HTR2A: variants seen among roughly 807,000 people sequenced by gnomAD.
The protein encoded by HTR2A is 5-hydroxytryptamine receptor 2A.
In HTR2A, 14 loss-of-function variants were observed where a neutral mutation model predicts 31.0. The observed-to-expected ratio is 0.45, with a 90% CI of 0.30 to 0.71. The LOEUF is 0.71. Ranked by LOEUF, HTR2A falls within the 30% of genes least tolerant of loss-of-function variation. The probability of loss-of-function intolerance (pLI) is 0.09; values close to 1 mark genes in which losing one functional copy is unlikely to be tolerated. For missense variants in HTR2A, 442 were observed against 573.3 expected (o/e 0.77, Z 2.34); for synonymous variants, 209 against 225.2 (o/e 0.93, Z 0.64).
chr13:46,884,508 C>CA (rs1372014046), intron 3 of HTR2A, among the ~76,000 whole-genome samples: 1 of 152,018 alleles, frequency 6.6e-6, no homozygotes, highest in Non-Finnish European at 1.5e-5. Context: ...ACTAAAAATA[C>CA]AAAAAATTAG....
chr13:46,872,489 G>C (rs1372572674), intron 3 of HTR2A, among the ~76,000 whole-genome samples: 3 of 151,986 alleles, frequency 2.0e-5, no homozygotes, highest in Non-Finnish European at 4.4e-5. Flanking sequence ...TTATTCTAGA[G>C]TTGTATCAAT....
At chr13:46,854,563 C>T (rs1950716310) in intron 3 of HTR2A, among the ~76,000 whole-genome samples, 1 of 152,162 alleles carries the variant, frequency 6.6e-6, no homozygotes. Context: ...GCCAGGACTT[C>T]AAATAGTGAC....
intron 3 of HTR2A, among the ~76,000 whole-genome samples, chr13:46,883,968 A>G (rs1175193370): frequency 6.6e-6 from 1 of 152,244 alleles, no homozygotes; most frequent in Non-Finnish European, 1.5e-5. Context: ...GGAAAGCAGC[A>G]GTACATTTCA....
At position 46,835,560 on chromosome 13, in the gene HTR2A, A is replaced by G; in HGVS notation, c.693T>C (p.Asp231=). The G allele has an allele frequency of 1.2e-6, 2 of 1,614,078 alleles. No homozygotes were observed. The highest frequency in any genetic ancestry group is 2.2e-5 in the East Asian group (1 of 44,882). Residue 231 remains aspartate (D), a synonymous_variant, in exon 4 of 4, where the codon GAT becomes GAC. Coordinates refer to ENST00000542664, the MANE Select transcript of HTR2A (RefSeq NM_000621.5). The part of the protein sequence containing the change: ...VFKEGSCLLA[D]DNFVLIGSFV... Reference sequence around the variant, plus strand: ...AAGAGCCGATCAGGACAAAGTTATCATCGGCGAGTAAGCAACTCCCCTCCT... The same window carrying G: ...AAGAGCCGATCAGGACAAAGTTATCGTCGGCGAGTAAGCAACTCCCCTCCT...
chr13:46,863,569 G>A (rs1351243933), intron 3 of HTR2A, among the ~76,000 whole-genome samples: 1 of 136,452 alleles, frequency 7.3e-6, no homozygotes, highest in Non-Finnish European at 1.5e-5. Context: ...GCTGCCGTGA[G>A]CTATGAAGTA....
intron 3 of HTR2A, chr13:46,856,027 C>T (rs951313232): frequency 6.6e-6 from 1 of 152,144 alleles, no homozygotes; most frequent in Non-Finnish European, 1.5e-5. Context: ...GGGTTTGGGA[C>T]AGAACAGGTA....
intron 3 of HTR2A, 133 bp downstream of exon 3, chr13:46,892,257 T>A (rs938990952): frequency 3.7e-6 from 3 of 818,464 alleles, no homozygotes; most frequent in Non-Finnish European, 6.1e-6. Context: ...AATTATGATG[T>A]TGTAACATAT....
At chr13:46,874,749 T>C (rs1950893577) in intron 3 of HTR2A, among the ~76,000 whole-genome samples, 1 of 152,232 alleles carries the variant, frequency 6.6e-6, no homozygotes, top group African/African-American at 2.4e-5. Flanking sequence ...ATAGTAGAAC[T>C]GTTGAGGACT....
At chr13:46,873,358 T>G (rs1469787575) in intron 3 of HTR2A, among the ~76,000 whole-genome samples, 1 of 151,016 alleles carries the variant, frequency 6.6e-6, no homozygotes, top group East Asian at 1.9e-4. Flanking sequence ...TCAAATTTCT[T>G]TTTTTAATTG....
In HTR2A at chr13:46,831,735, T is replaced by C. The variant is rs1203096801; in HGVS notation, c.*3102A>G. 6.6e-6 allele frequency: 1 copy of C among 152,250 alleles called. No homozygotes were observed. The highest frequency in any genetic ancestry group is 1.5e-5 in the Non-Finnish European group (1 of 68,044). 9.4% of individuals were successfully genotyped at this position (152,250 alleles called of 1,614,324 possible). ...GAGGAGCACCCTTTGCTGAAAGCAG[T>C]ACAGTGACTTAGTTCAATTTGGCTA... is the stretch of plus-strand genomic sequence containing the variant. On this transcript the variant is annotated 3_prime_UTR_variant, in exon 4 of 4. Coordinates refer to ENST00000542664, the MANE Select transcript of HTR2A (RefSeq NM_000621.5).
intron 3 of HTR2A, among the ~76,000 whole-genome samples, chr13:46,837,995 T>C (rs1476439801): frequency 6.6e-6 from 1 of 152,208 alleles, no homozygotes. Context: ...GCCCATTGTT[T>C]GCAACATTCA....
At chr13:46,892,726 T>A in intron 2 of HTR2A, 136 bp from the exon 3 acceptor site, 1 of 679,398 alleles carries the variant, frequency 1.5e-6, no homozygotes, top group Non-Finnish European at 2.5e-6. Flanking sequence ...TTTTAGTATT[T>A]GAAAAAAGCC....
intron 3 of HTR2A, among the ~76,000 whole-genome samples, chr13:46,869,888 G>C (rs1950851734): frequency 6.6e-6 from 1 of 152,108 alleles, no homozygotes; most frequent in Non-Finnish European, 1.5e-5. Context: ...GAGGTTACCA[G>C]GGAGTTGGGT....
chr13:46,854,755 G>T (rs542505870), intron 3 of HTR2A, among the ~76,000 whole-genome samples: 1 of 152,288 alleles, frequency 6.6e-6, no homozygotes, highest in African/African-American at 2.4e-5. Context: ...ATTCCAAACA[G>T]CAACAGAATA....
chr13:46,869,576 A>T (rs762077156), intron 3 of HTR2A, among the ~76,000 whole-genome samples: 4 of 152,144 alleles, frequency 2.6e-5, no homozygotes, highest in Admixed American at 2.6e-4. Context: ...ACTCCTAGGT[A>T]TATTCCCCAA....
chr13:46,883,049 A>G (rs1339778341), intron 3 of HTR2A, among the ~76,000 whole-genome samples: 2 of 152,236 alleles, frequency 1.3e-5, no homozygotes, highest in Non-Finnish European at 2.9e-5. Flanking sequence ...CATTTTGCTT[A>G]TATTCACCAA....
At chr13:46,861,758 G>A (rs544623888) in intron 3 of HTR2A, among the ~76,000 whole-genome samples, 100 of 152,298 alleles carry the variant, frequency 6.6e-4, no homozygotes, top group African/African-American at 2.4e-3. Flanking sequence ...GAGGGAAAAA[G>A]GCACTCCTAA....
intron 3 of HTR2A, among the ~76,000 whole-genome samples, chr13:46,853,503 G>C (rs1239424949): frequency 6.6e-6 from 1 of 152,186 alleles, no homozygotes; most frequent in Admixed American, 6.5e-5. Flanking sequence ...TGAATCCATA[G>C]AGATTCTGAT....
At chr13:46,876,396 ATATATATATTTT>A in intron 3 of HTR2A, among the ~76,000 whole-genome samples, 1 of 85,848 alleles carries the variant, frequency 1.2e-5, no homozygotes, top group East Asian at 3.5e-4. Flanking sequence ...ATATATATAT[ATATATATATTTT>A]TTTTTTTTTT....
Sources: allele counts gnomAD v4.1 joint callset (sites outside exome capture counted in the v4.1 genomes callset), GRCh38; gene constraint gnomAD v4.1.1; transcripts MANE v1.5; gene names NCBI Gene and HGNC (gene_info 2026-07-23, HGNC 2026-07-21).